AP4S1: variants seen among roughly 807,000 people sequenced by gnomAD.
AP4S1 encodes AP-4 complex subunit sigma-1.
AP4S1 carries 23 observed loss-of-function variants against 19.8 expected under a neutral mutation model. The observed-to-expected ratio is 1.16, with a 90% CI of 0.84 to 1.65. AP4S1 has a LOEUF of 1.65. AP4S1 is among the 40% of genes most tolerant of loss of function. The probability of loss-of-function intolerance (pLI) is 0.00; values close to 1 mark genes in which losing one functional copy is unlikely to be tolerated. For synonymous variants in AP4S1, 46 were observed against 54.1 expected (o/e 0.85, Z 0.66); for missense variants, 166 against 172.8 (o/e 0.96, Z 0.22).
chr14:31,091,073 G>A (rs896785209), intron 5 of AP4S1, among the ~76,000 whole-genome samples: 30 of 152,142 alleles, frequency 2.0e-4, no homozygotes, highest in Non-Finnish European at 1.3e-4. Context: ...TGATTTAGCA[G>A]TAAATTCTGA....
chr14:31,025,615 A>C, upstream of AP4S1: 8 of 478,358 alleles, frequency 1.7e-5, no homozygotes, highest in East Asian at 8.5e-5. Context: ...AGGCCCGGGA[A>C]GGCCGCCTCC....
intron 1 of AP4S1, among the ~76,000 whole-genome samples, chr14:31,047,608 G>T (rs1465773511): frequency 1.3e-5 from 2 of 152,004 alleles, no homozygotes; most frequent in Non-Finnish European, 2.9e-5. Context: ...TGTTAGCCAG[G>T]ATGGTCTCGA....
chr14:31,073,300 C>A (rs535862525), intron 4 of AP4S1: 9 of 270,586 alleles, frequency 3.3e-5, no homozygotes, highest in Middle Eastern at 1.4e-3. Context: ...ACCATCCTGG[C>A]TAATACGGTG....
chr14:31,087,006 AG>A (rs1256692930), intron 5 of AP4S1, among the ~76,000 whole-genome samples: 2 of 152,012 alleles, frequency 1.3e-5, no homozygotes, highest in African/African-American at 2.4e-5. Flanking sequence ...AAAAATATCA[AG>A]GAAAAAAAAA....
intron 1 of AP4S1, among the ~76,000 whole-genome samples, chr14:31,030,749 T>C (rs1354841767): frequency 6.6e-6 from 1 of 152,168 alleles, no homozygotes; most frequent in African/African-American, 2.4e-5. Flanking sequence ...AATCTCTGCC[T>C]TCACAGAGTT....
chr14:31,076,781 A>G (rs2139085306), intron 4 of AP4S1, among the ~76,000 whole-genome samples: 1 of 151,848 alleles, frequency 6.6e-6, no homozygotes, highest in South Asian at 2.1e-4. Context: ...TCAGTAGCAC[A>G]CTCTTTTGAT....
intron 5 of AP4S1, among the ~76,000 whole-genome samples, chr14:31,082,132 T>C (rs1388223525): frequency 6.6e-6 from 1 of 152,188 alleles, no homozygotes; most frequent in Non-Finnish European, 1.5e-5. Flanking sequence ...AAATTCATTT[T>C]GTGCCCTTAA....
chr14:31,071,193 CT>C (rs1428287014), intron 3 of AP4S1, among the ~76,000 whole-genome samples: 1 of 152,150 alleles, frequency 6.6e-6, no homozygotes, highest in Non-Finnish European at 1.5e-5. Context: ...CATGGAATCC[CT>C]GAAAGGATGT....
At chr14:31,090,148 C>A (rs1438104232) in intron 5 of AP4S1, among the ~76,000 whole-genome samples, 1 of 151,976 alleles carries the variant, frequency 6.6e-6, no homozygotes, top group Non-Finnish European at 1.5e-5. Context: ...GCCACCATGC[C>A]CAGCTAATTG....
At chr14:31,037,414 G>C (rs1884846949) in intron 1 of AP4S1, among the ~76,000 whole-genome samples, 1 of 144,102 alleles carries the variant, frequency 6.9e-6, no homozygotes, top group Non-Finnish European at 1.6e-5. Flanking sequence ...ATCTGCTGCT[G>C]CCATCACCAC....
At chr14:31,073,165 G>T in intron 4 of AP4S1, 192 bp downstream of exon 4, 2 of 579,522 alleles carry the variant, frequency 3.5e-6, no homozygotes, top group Non-Finnish European at 6.1e-6. Flanking sequence ...ATACATGCCT[G>T]AGATCTTTAT....
intron 1 of AP4S1, among the ~76,000 whole-genome samples, chr14:31,061,647 A>AT (rs576411455): frequency 0.095 from 13,810 of 146,020 alleles, 689 homozygotes; most frequent in South Asian, 0.16. Flanking sequence ...ATTAAAATCA[A>AT]TTTTTTTTTT....
chr14:31,036,025 T>C (rs548065265), intron 1 of AP4S1, among the ~76,000 whole-genome samples: 15 of 152,132 alleles, frequency 9.9e-5, no homozygotes, highest in South Asian at 2.1e-4. Flanking sequence ...CCACCGTGCC[T>C]GGCCAGAGAC....
chr14:31,060,942 T>G (rs1409983838), intron 1 of AP4S1, among the ~76,000 whole-genome samples: 1 of 152,060 alleles, frequency 6.6e-6, no homozygotes, highest in Admixed American at 6.6e-5. Context: ...CAGGCTGCAG[T>G]GCAGTGGCAC....
At chr14:31,065,194 T>C (rs576813040) in intron 1 of AP4S1, among the ~76,000 whole-genome samples, 1 of 152,346 alleles carries the variant, frequency 6.6e-6, no homozygotes, top group Non-Finnish European at 1.5e-5. Flanking sequence ...TGTGAGTAGC[T>C]TAATTTCCTG....
At chr14:31,087,487 G>A (rs547493727) in intron 5 of AP4S1, among the ~76,000 whole-genome samples, 7 of 152,212 alleles carry the variant, frequency 4.6e-5, no homozygotes, top group African/African-American at 1.7e-4. Context: ...CTCCTGAGTA[G>A]CTGGAATTAC....
At chr14:31,039,035 G>A (rs1033287679) in intron 1 of AP4S1, among the ~76,000 whole-genome samples, 10 of 151,052 alleles carry the variant, frequency 6.6e-5, no homozygotes, top group South Asian at 2.1e-4. Context: ...TTTTTGAGAC[G>A]GTCTTGCTCT....
At chr14:31,074,500 G>A (rs993154416) in intron 4 of AP4S1, among the ~76,000 whole-genome samples, 5 of 151,976 alleles carry the variant, frequency 3.3e-5, no homozygotes, top group African/African-American at 1.2e-4. Flanking sequence ...TGGCTATCAC[G>A]GTGAAACCTG....
At chr14:31,086,188 T>A (rs1887912015) in intron 5 of AP4S1, 1 of 152,160 alleles carries the variant, frequency 6.6e-6, no homozygotes, top group Admixed American at 6.5e-5. Context: ...TAATGAGAAA[T>A]TGCAAAAATA....
Sources: allele counts gnomAD v4.1 joint callset (sites outside exome capture counted in the v4.1 genomes callset), GRCh38; gene constraint gnomAD v4.1.1; transcripts MANE v1.5; gene names NCBI Gene and HGNC (gene_info 2026-07-23, HGNC 2026-07-21).